Variants in CLEC16A observed in about 807,000 individuals in gnomAD.
CLEC16A encodes C-type lectin domain containing 16A.
CLEC16A carries 51 observed loss-of-function variants against 109.5 expected under a neutral mutation model. That is an observed-to-expected ratio of 0.47 (90% CI 0.37 to 0.59). CLEC16A has a LOEUF of 0.59. Ranked by LOEUF, CLEC16A falls within the 20% of genes least tolerant of loss-of-function variation. The pLI, the probability that CLEC16A is intolerant of heterozygous loss-of-function variation, is 0.00. For missense variants in CLEC16A, 1,339 were observed against 1,394.0 expected (o/e 0.96, Z 0.63); for synonymous variants, 673 against 564.2 (o/e 1.19, Z -2.73).
At chr16:11,099,273 A>G (rs937285300) in intron 19 of CLEC16A, among the ~76,000 whole-genome samples, 5 of 152,206 alleles carry the variant, frequency 3.3e-5, no homozygotes, top group Non-Finnish European at 7.3e-5. Context: ...CACACAGTGG[A>G]CAGGGTCTCG....
chr16:10,973,179 G>A, intron 7 of CLEC16A, 118 bp downstream of exon 7: 2 of 1,181,780 alleles, frequency 1.7e-6, no homozygotes, highest in South Asian at 1.6e-5. Flanking sequence ...TGTAGGCAGA[G>A]CATGGACTTC....
chr16:11,173,913 A>G (rs2068632459), intron 23 of CLEC16A, among the ~76,000 whole-genome samples: 1 of 151,794 alleles, frequency 6.6e-6, no homozygotes, highest in Admixed American at 6.6e-5. Flanking sequence ...CGAGTGAACA[A>G]TTTGGTTCTC....
At chr16:10,967,111 G>A (rs562450925) in intron 3 of CLEC16A, among the ~76,000 whole-genome samples, 10 of 152,270 alleles carry the variant, frequency 6.6e-5, no homozygotes, top group African/African-American at 2.4e-4. Flanking sequence ...CGCACAGCCT[G>A]TCTGCCATGC....
intron 1 of CLEC16A, 40 bp downstream of exon 1, chr16:10,944,837 C>T: frequency 1.3e-6 from 2 of 1,532,428 alleles, no homozygotes; most frequent in Non-Finnish European, 1.8e-6. Context: ...CGGGGCTGGA[C>T]AGGGGGACGG....
At chr16:11,062,994 C>T (rs1255198958) in intron 19 of CLEC16A, among the ~76,000 whole-genome samples, 4 of 152,110 alleles carry the variant, frequency 2.6e-5, no homozygotes, top group Non-Finnish European at 1.5e-5. Flanking sequence ...ATTCACATTC[C>T]TTCTCTCCTC....
At chr16:11,101,470 G>C (rs2050910711) in intron 19 of CLEC16A, among the ~76,000 whole-genome samples, 1 of 152,166 alleles carries the variant, frequency 6.6e-6, no homozygotes, top group Non-Finnish European at 1.5e-5. Context: ...GTCGCACTCT[G>C]CGTGTCACAC....
At chr16:10,956,853 A>G (rs2042013776) in intron 1 of CLEC16A, among the ~76,000 whole-genome samples, 3 of 152,030 alleles carry the variant, frequency 2.0e-5, no homozygotes, top group African/African-American at 2.4e-5. Context: ...CTGGAGTGCA[A>G]TGGTGTGATC....
At chr16:11,027,304 A>G (rs1198518194) in intron 13 of CLEC16A, 1 of 1,517,228 alleles carries the variant, frequency 6.6e-7, no homozygotes, top group African/African-American at 1.4e-5. Context: ...GTACGCATCG[A>G]AAGGATTGAT....
intron 19 of CLEC16A, among the ~76,000 whole-genome samples, chr16:11,083,190 T>G (rs1015989716): frequency 7.9e-5 from 12 of 152,294 alleles, no homozygotes; most frequent in African/African-American, 2.9e-4. Context: ...TGAGGCAGGG[T>G]CTTGCTCTGT....
At chr16:11,006,025 A>G (rs146363195) in intron 11 of CLEC16A, among the ~76,000 whole-genome samples, 1 of 152,100 alleles carries the variant, frequency 6.6e-6, no homozygotes, top group Non-Finnish European at 1.5e-5. Flanking sequence ...TAGAAATCCA[A>G]CTCAGACTGG....
chr16:11,179,807 C>T lies in CLEC16A; in HGVS notation c.*1117C>T, dbSNP rs910698420. 2.0e-5 allele frequency: 3 copies of T among 152,480 alleles called. No homozygotes were observed. Among genetic ancestry groups the T allele is most frequent in the Non-Finnish European group, 4.4e-5 (3 of 68,246 alleles). The allele number at this position is 152,480 out of a possible 1,614,324, so 9.4% of individuals were successfully genotyped here. A position where few individuals can be genotyped will look rare whatever the true frequency, so the allele number is the denominator to read the frequency against. On this transcript the variant is annotated 3_prime_UTR_variant, in exon 24 of 24. Coordinates refer to ENST00000409790, the MANE Select transcript of CLEC16A (RefSeq NM_015226.3). ...GGTGTCCCCAGAGCTCTGAGTCTGT[C>T]ACTCTCCCTCTGCTACTGCTGCTGA...
At chr16:11,050,159 A>G (rs1247965003) in intron 17 of CLEC16A, among the ~76,000 whole-genome samples, 5 of 152,262 alleles carry the variant, frequency 3.3e-5, no homozygotes, top group Non-Finnish European at 5.9e-5. Context: ...AGGGCAAGAC[A>G]GAGCAAGAGG....
rs192978182 is a variant in CLEC16A, at chr16:11,061,368, T to C, written c.2116+346T>C. On this transcript the variant is annotated intron_variant, in intron 19 of 23. Transcript: ENST00000409790. The stretch of plus-strand genomic sequence containing the variant: ...TTTGGTTGGTTTTATATATTAAGCA[T>C]TTTCTATATGATTCTAATGATAAAA... Among the ~76,000 whole-genome samples the C allele has an allele frequency of 4.7e-4, 72 of 152,290 alleles. 1 individual carries two copies. Among genetic ancestry groups the C allele is most frequent in the Admixed American group, 1.6e-3 (24 of 15,296 alleles).
chr16:11,164,326 G>C (rs926786322), intron 22 of CLEC16A, among the ~76,000 whole-genome samples: 4 of 152,322 alleles, frequency 2.6e-5, no homozygotes, highest in African/African-American at 9.6e-5. Flanking sequence ...CCAACTGGGG[G>C]TATAAATAGG....
chr16:11,071,753 ATTTTTTTTTTTTTT>A (rs71136611), intron 19 of CLEC16A, among the ~76,000 whole-genome samples: 1 of 61,298 alleles, frequency 1.6e-5, no homozygotes, highest in Non-Finnish European at 2.9e-5. Flanking sequence ...CACCTGGCTG[ATTTTTTTTTTTTTT>A]TTTTTTTTTT....
intron 13 of CLEC16A, among the ~76,000 whole-genome samples, chr16:11,025,632 T>TA (rs549126741): frequency 1.6e-3 from 242 of 152,144 alleles, no homozygotes; most frequent in Non-Finnish European, 2.0e-3. Flanking sequence ...CTTGGCATAG[T>TA]AAAAAAAATC....
chr16:11,013,117 C>G (rs2045538078), intron 11 of CLEC16A, among the ~76,000 whole-genome samples: 2 of 152,298 alleles, frequency 1.3e-5, no homozygotes, highest in Non-Finnish European at 2.9e-5. Flanking sequence ...GGCAAAAACC[C>G]ATGCAGACAT....
chr16:11,044,017 T>C lies in CLEC16A; in HGVS notation c.1771-11T>C. ...ACCTGCCTCCTTCACACCTTCCTTC[T>C]CTTTTAACAGGGTGCGAGAGAAGAA... On this transcript the variant is annotated splice_polypyrimidine_tract_variant and intron_variant, in intron 15 of 23. Transcript: ENST00000409790. 6.3e-7 allele frequency: 1 copy of C among 1,596,456 alleles called. No homozygotes were observed. Among genetic ancestry groups the C allele is most frequent in the African/African-American group, 1.3e-5 (1 of 74,454 alleles).
At chr16:11,054,559 C>G (rs970619863) in intron 18 of CLEC16A, among the ~76,000 whole-genome samples, 3 of 152,180 alleles carry the variant, frequency 2.0e-5, no homozygotes, top group African/African-American at 7.2e-5. Context: ...GACAAGTTTC[C>G]AAAAGCAACT....
Sources: allele counts gnomAD v4.1 joint callset (sites outside exome capture counted in the v4.1 genomes callset), GRCh38; gene constraint gnomAD v4.1.1; transcripts MANE v1.5; gene names NCBI Gene and HGNC (gene_info 2026-07-23, HGNC 2026-07-21).